POU2F1: variants seen among roughly 807,000 people sequenced by gnomAD.
The protein encoded by POU2F1 is POU class 2 homeobox 1, also known as POU domain, class 2, transcription factor 1.
A neutral mutation model predicts 84.9 loss-of-function variants in POU2F1; 16 were observed. The observed-to-expected ratio is 0.19, with a 90% CI of 0.13 to 0.29. The LOEUF is 0.29. POU2F1 is among the 10% of genes least tolerant of loss of function. The pLI is 1.00. For synonymous variants in POU2F1, 368 were observed against 368.3 expected (o/e 1.00, Z 0.01); for missense variants, 738 against 942.6 (o/e 0.78, Z 2.84).
intron 2 of POU2F1, among the ~76,000 whole-genome samples, chr1:167,358,852 C>G (rs544580933): frequency 1.3e-5 from 2 of 150,506 alleles, no homozygotes; most frequent in South Asian, 4.3e-4. Flanking sequence ...CTGCACCTGA[C>G]CTGCAGCAGT....
At chr1:167,247,418 G>A (rs1336959212) in intron 1 of POU2F1, among the ~76,000 whole-genome samples, 1 of 152,104 alleles carries the variant, frequency 6.6e-6, no homozygotes, top group African/African-American at 2.4e-5. Flanking sequence ...GATTTGTAAA[G>A]GATTCTTCTA....
At chr1:167,391,559 CTTTTTTT>C (rs1175783404) in intron 9 of POU2F1, among the ~76,000 whole-genome samples, 2 of 57,876 alleles carry the variant, frequency 3.5e-5, no homozygotes, top group Non-Finnish European at 6.0e-5. Context: ...TTATATATAT[CTTTTTTT>C]TTTTTTTTTT....
chr1:167,293,135 TAGTCCTAGA>T (rs961321997), intron 1 of POU2F1, among the ~76,000 whole-genome samples: 3 of 152,166 alleles, frequency 2.0e-5, no homozygotes, highest in Non-Finnish European at 4.4e-5. Context: ...CTATTTAACA[TAGTCCTAGA>T]AGTCCTAGCC....
intron 8 of POU2F1, among the ~76,000 whole-genome samples, chr1:167,385,230 C>G (rs1386647290): frequency 1.3e-5 from 2 of 152,066 alleles, no homozygotes; most frequent in Admixed American, 6.5e-5. Context: ...AATCAGAAGA[C>G]TTAAGTTAAA....
intron 2 of POU2F1, among the ~76,000 whole-genome samples, chr1:167,337,380 T>C (rs1240191632): frequency 1.3e-5 from 2 of 151,916 alleles, no homozygotes; most frequent in Non-Finnish European, 2.9e-5. Flanking sequence ...AGGATTGCTA[T>C]AAGAAAGACA....
chr1:167,412,015 G>C lies in POU2F1; in HGVS notation c.1612G>C (p.Ala538Pro), dbSNP rs755321213. The C allele has an allele frequency of 3.7e-6, 6 of 1,614,074 alleles. No homozygotes were observed. Among genetic ancestry groups the C allele is most frequent in the Non-Finnish European group, 5.1e-6 (6 of 1,179,992 alleles). ...AACCGTGATTTCCACAGCGCCTCCA[G>C]CTTCCTCAGCAGTCACGTCCCCCTC... The part of the protein sequence containing the change: ...TATVISTAPP[A>P]SSAVTSPSLS... Residue 538 changes from alanine to proline, a missense_variant, in exon 14 of 16, where the codon GCT becomes CCT. Physicochemically the swap from Ala to Pro is conservative, Grantham distance 27 (BLOSUM62 -1). Coordinates refer to ENST00000367866, the MANE Select transcript of POU2F1 (RefSeq NM_002697.4).
intron 6 of POU2F1, among the ~76,000 whole-genome samples, chr1:167,374,666 G>GAGAC (rs113142033): frequency 3.3e-5 from 5 of 152,256 alleles, no homozygotes; most frequent in African/African-American, 1.2e-4. Context: ...ACCCATGTGT[G>GAGAC]AGACAGTGAG....
chr1:167,399,393 C>A, intron 12 of POU2F1, 28 bp downstream of exon 12: 1 of 1,565,894 alleles, frequency 6.4e-7, no homozygotes, highest in Non-Finnish European at 8.7e-7. Flanking sequence ...GGAGTGCAAG[C>A]TCAAGGGCTA....
At chr1:167,251,085 C>CAT (rs1353211866) in intron 1 of POU2F1, among the ~76,000 whole-genome samples, 1 of 152,134 alleles carries the variant, frequency 6.6e-6, no homozygotes, top group Non-Finnish European at 1.5e-5. Flanking sequence ...ATGAGTAGAA[C>CAT]ATGAGGTATT....
chr1:167,250,217 A>G (rs1650621159), intron 1 of POU2F1, among the ~76,000 whole-genome samples: 1 of 152,220 alleles, frequency 6.6e-6, no homozygotes. Flanking sequence ...TGAGATGAAG[A>G]ACAAATGGTT....
chr1:167,330,817 G>A (rs901601454), intron 1 of POU2F1, among the ~76,000 whole-genome samples: 6 of 152,006 alleles, frequency 3.9e-5, no homozygotes, highest in Non-Finnish European at 7.4e-5. Context: ...TTATTTCTGC[G>A]GTGCCCACAT....
chr1:167,329,206 C>A, intron 1 of POU2F1: 1 of 1,534,562 alleles, frequency 6.5e-7, no homozygotes, highest in South Asian at 1.2e-5. Context: ...GTAGTACCTT[C>A]TTTCCCCACC....
In POU2F1 at chr1:167,343,940, G is replaced by A. The variant is rs1269824370; in HGVS notation, c.127+11405G>A. 4.6e-5 allele frequency among the ~76,000 whole-genome samples: 7 copies of A among 151,888 alleles called. No individual in the cohort carries two copies. The South Asian group carries it at 6.2e-4, about 14-fold the overall frequency. On this transcript the variant is annotated intron_variant, in intron 2 of 15. Transcript: ENST00000367866. ...AGAGTCTTTAACAGGGAAATGCTAC[G>A]GGGAGGAGAGTGGAATCAGCCAAGA...
At chr1:167,284,694 C>T (rs1285093386) in intron 1 of POU2F1, among the ~76,000 whole-genome samples, 1 of 151,970 alleles carries the variant, frequency 6.6e-6, no homozygotes, top group Non-Finnish European at 1.5e-5. Context: ...TATATTTTTC[C>T]TCTTCAAAGG....
At chr1:167,391,233 C>T (rs971033211) in intron 9 of POU2F1, among the ~76,000 whole-genome samples, 7 of 152,170 alleles carry the variant, frequency 4.6e-5, no homozygotes, top group Admixed American at 6.5e-5. Context: ...AGCCACTGCG[C>T]CCAGCCTGCA....
At chr1:167,339,177 C>T (rs1430362338) in intron 2 of POU2F1, among the ~76,000 whole-genome samples, 2 of 152,110 alleles carry the variant, frequency 1.3e-5, no homozygotes, top group Non-Finnish European at 2.9e-5. Context: ...TTTCCTGTCC[C>T]CCTCCTCCCC....
At chr1:167,289,312 G>A (rs571116397) in intron 1 of POU2F1, among the ~76,000 whole-genome samples, 1 of 152,198 alleles carries the variant, frequency 6.6e-6, no homozygotes, top group South Asian at 2.1e-4. Context: ...TAAGGTTGCT[G>A]TACTGAACAT....
chr1:167,392,261 A>G (rs1350654751), intron 9 of POU2F1, among the ~76,000 whole-genome samples: 1 of 151,844 alleles, frequency 6.6e-6, no homozygotes, highest in African/African-American at 2.4e-5. Flanking sequence ...TGAGGCAGGG[A>G]CAGTGGCTTC....
chr1:167,315,435 A>G (rs1260398707), intron 1 of POU2F1, among the ~76,000 whole-genome samples: 2 of 152,120 alleles, frequency 1.3e-5, no homozygotes, highest in Non-Finnish European at 2.9e-5. Context: ...AATAACCTAA[A>G]ACTTAGAAAC....
Sources: gnomAD v4.1 joint callset for allele counts (sites outside exome capture counted in the v4.1 genomes callset) on GRCh38, gnomAD v4.1.1 for gene constraint, MANE v1.5 for transcripts, NCBI Gene and HGNC (gene_info 2026-07-23, HGNC 2026-07-21) for gene names.